The following PRKG1 variants were observed in gnomAD, a reference collection of about 807,000 sequenced individuals.
PRKG1 encodes the protein protein kinase cGMP-dependent 1.
In PRKG1, 35 loss-of-function variants were observed where a neutral mutation model predicts 88.1. The ratio of observed to expected loss-of-function variants is 0.40; its 90% confidence interval spans 0.30 to 0.53. The LOEUF (loss-of-function observed/expected upper bound fraction) is 0.53. Ranked by LOEUF, PRKG1 falls within the 20% of genes least tolerant of loss-of-function variation. The pLI, the probability that PRKG1 is intolerant of heterozygous loss-of-function variation, is 0.59. For missense variants in PRKG1, 540 were observed against 839.8 expected (o/e 0.64, Z 4.41); for synonymous variants, 303 against 292.5 (o/e 1.04, Z -0.37).
chr10:51,809,904 T>C (rs551150626), intron 4 of PRKG1, among the ~76,000 whole-genome samples: 2 of 152,284 alleles, frequency 1.3e-5, no homozygotes, highest in Admixed American at 1.3e-4. Flanking sequence ...CTTCTCCTTC[T>C]TTATTCTCTC....
chr10:51,716,099 G>A (rs1202845333), intron 3 of PRKG1, among the ~76,000 whole-genome samples: 1 of 152,074 alleles, frequency 6.6e-6, no homozygotes, highest in Non-Finnish European at 1.5e-5. Flanking sequence ...CCCTTCTCCT[G>A]GTGAAATGAA....
intron 3 of PRKG1, among the ~76,000 whole-genome samples, chr10:51,635,250 C>A (rs1589149381): frequency 1.5e-5 from 2 of 136,650 alleles, no homozygotes. Flanking sequence ...TTGAAATAGA[C>A]TGGAAAGGAA....
intron 7 of PRKG1, among the ~76,000 whole-genome samples, chr10:52,082,657 A>G (rs1046618505): frequency 1.3e-5 from 2 of 152,098 alleles, no homozygotes; most frequent in African/African-American, 4.8e-5. Context: ...ATGGTTTGAT[A>G]CCATTGTTCT....
At chr10:51,458,414 A>C (rs1207144278) in intron 2 of PRKG1, among the ~76,000 whole-genome samples, 1 of 148,254 alleles carries the variant, frequency 6.7e-6, no homozygotes, top group African/African-American at 2.6e-5. Flanking sequence ...CATATTCATC[A>C]ATGAGTATTT....
At chr10:51,153,117 A>G in intron 1 of PRKG1, 47 bp from the exon 2 acceptor site, 1 of 1,572,680 alleles carries the variant, frequency 6.4e-7, no homozygotes. Context: ...ACAAACTATG[A>G]AAGAGCTTGT....
rs558144924 is a variant in PRKG1 at position 51,595,050 on chromosome 10, T to C, written c.592+127214T>C. On this transcript the variant is annotated intron_variant, in intron 3 of 17. Coordinates refer to ENST00000373980, the MANE Select transcript of PRKG1 (RefSeq NM_006258.4). Reference sequence around the variant, plus strand: ...GGAATCCTGTGGATCCCATTGGTGATATAAATTAACTCTGTGCCAAGTGCG... The same window carrying C: ...GGAATCCTGTGGATCCCATTGGTGACATAAATTAACTCTGTGCCAAGTGCG... 9.8e-5 allele frequency among the ~76,000 whole-genome samples: 15 copies of C among 152,296 alleles called. No homozygotes were observed. The South Asian group carries it at 2.5e-3, about 25-fold the overall frequency.
chr10:51,152,649 T>C (rs543394165), intron 1 of PRKG1, among the ~76,000 whole-genome samples: 1 of 152,134 alleles, frequency 6.6e-6, no homozygotes, highest in Non-Finnish European at 1.5e-5. Context: ...TCCCTGCTTA[T>C]GTGGAGCATT....
chr10:51,077,327 G>T (rs1217387568), intron 1 of PRKG1, among the ~76,000 whole-genome samples: 3 of 152,074 alleles, frequency 2.0e-5, no homozygotes, highest in Non-Finnish European at 2.9e-5. Context: ...CATACATATA[G>T]ATTATTGTGA....
intron 8 of PRKG1, among the ~76,000 whole-genome samples, chr10:52,144,293 G>C (rs1564488433): frequency 6.6e-6 from 1 of 152,150 alleles, no homozygotes; most frequent in Non-Finnish European, 1.5e-5. Context: ...AAGAGATGGG[G>C]ATAGATAGTA....
intron 10 of PRKG1, among the ~76,000 whole-genome samples, chr10:52,259,062 A>ATTAG (rs1841372808): frequency 6.6e-6 from 1 of 151,418 alleles, no homozygotes. Flanking sequence ...AGAGAGAAAT[A>ATTAG]TTAGATAGCT....
chr10:51,435,562 T>C (rs528286702), intron 2 of PRKG1, among the ~76,000 whole-genome samples: 3 of 152,148 alleles, frequency 2.0e-5, no homozygotes, highest in African/African-American at 4.8e-5. Context: ...TGTTTTGATT[T>C]ATTATACTTG....
intron 3 of PRKG1, among the ~76,000 whole-genome samples, chr10:51,722,425 C>T (rs1465247703): frequency 6.6e-6 from 1 of 151,726 alleles, no homozygotes; most frequent in African/African-American, 2.4e-5. Context: ...AAGGAACTTC[C>T]TGAATGATTA....
chr10:51,352,334 C>A (rs535830970), intron 2 of PRKG1, among the ~76,000 whole-genome samples: 1 of 151,460 alleles, frequency 6.6e-6, no homozygotes, highest in African/African-American at 2.4e-5. Context: ...TAAATTACTT[C>A]GGGAAGTATG....
At chr10:51,545,581 A>T (rs1842425860) in intron 3 of PRKG1, among the ~76,000 whole-genome samples, 1 of 152,176 alleles carries the variant, frequency 6.6e-6, no homozygotes, top group South Asian at 2.1e-4. Flanking sequence ...ACACAGAAGA[A>T]CAGCAGCAAA....
chr10:51,470,812 A>T (rs1475479199), intron 3 of PRKG1, among the ~76,000 whole-genome samples: 1 of 151,876 alleles, frequency 6.6e-6, no homozygotes, highest in East Asian at 1.9e-4. Flanking sequence ...GTTCATAGTG[A>T]TCCAACAGAA....
chr10:51,481,486 T>A lies in PRKG1; in HGVS notation c.592+13650T>A, dbSNP rs561973740. 3.3e-5 allele frequency among the ~76,000 whole-genome samples: 5 copies of A among 152,244 alleles called. No homozygotes were observed. In the South Asian group the frequency reaches 1.0e-3, roughly 32 times the overall value. The stretch of plus-strand genomic sequence containing the variant: ...CTAATCTCTAACCCATGGCCTCAGA[T>A]GATCCGCCCTCCCTGGCCTCCCAAA... On this transcript the variant is annotated intron_variant, in intron 3 of 17. Coordinates refer to ENST00000373980, the MANE Select transcript of PRKG1 (RefSeq NM_006258.4).
intron 4 of PRKG1, among the ~76,000 whole-genome samples, chr10:51,851,907 G>C (rs1035569389): frequency 2.3e-4 from 35 of 152,226 alleles, no homozygotes; most frequent in African/African-American, 8.4e-4. Flanking sequence ...GCAGGCTTTT[G>C]TGGCCTTAGC....
At chr10:52,013,321 C>T (rs12217231) in intron 5 of PRKG1, among the ~76,000 whole-genome samples, 37,638 of 151,400 alleles carry the variant, frequency 0.25, 5,078 homozygotes, top group Admixed American at 0.32. Context: ...CGGGAGGCTG[C>T]GGCAGGAGAA....
At chr10:51,501,620 A>G (rs549502292) in intron 3 of PRKG1, among the ~76,000 whole-genome samples, 3 of 152,114 alleles carry the variant, frequency 2.0e-5, no homozygotes, top group Admixed American at 6.5e-5. Context: ...CCATTTCCCA[A>G]TTTAGTGAAA....
Sources: gnomAD v4.1 joint callset for allele counts (sites outside exome capture counted in the v4.1 genomes callset) on GRCh38, gnomAD v4.1.1 for gene constraint, MANE v1.5 for transcripts, NCBI Gene and HGNC (gene_info 2026-07-23, HGNC 2026-07-21) for gene names.